Variants in ARHGAP21 observed in about 807,000 individuals in gnomAD.
The protein encoded by ARHGAP21 is Rho GTPase activating protein 21.
ARHGAP21 carries 38 observed loss-of-function variants against 164.6 expected under a neutral mutation model. The observed-to-expected ratio is 0.23, with a 90% CI of 0.18 to 0.30. The LOEUF is 0.30. Ranked by LOEUF, ARHGAP21 falls within the 10% of genes least tolerant of loss-of-function variation. The probability of loss-of-function intolerance (pLI) is 1.00; values close to 1 mark genes in which losing one functional copy is unlikely to be tolerated. For synonymous variants in ARHGAP21, 766 were observed against 857.9 expected, an observed-to-expected ratio of 0.89 and a Z score of 1.87; for missense variants, 1,822 against 2,370.7, an observed-to-expected ratio of 0.77 and a Z score of 4.81.
chr10:24,697,086 T>C (rs1200951318), intron 2 of ARHGAP21, among the ~76,000 whole-genome samples: 8 of 152,036 alleles, frequency 5.3e-5, no homozygotes. Flanking sequence ...CGACCCAGAA[T>C]CTCTAGAGAT....
In ARHGAP21 at chr10:24,585,293, G is replaced by A. The variant is rs375897262; in HGVS notation, c.4996C>T (p.Arg1666Trp). Residue 1666 changes from arginine (R) to tryptophan (W), a missense_variant, in exon 26 of 26, where the codon CGG (arginine) becomes TGG (tryptophan). By Grantham distance (101) the Arg-to-Trp change is moderately radical (BLOSUM62 -3). Coordinates refer to ENST00000396432, the MANE Select transcript of ARHGAP21 (RefSeq NM_020824.4). ...AATTCACTTCCTTCAGAATTTCTCC[G>A]GCTGCTCTTAGTCACTTCTTGCAGT... ...GKLQEVTKSS[R>W]RNSEGSELSC... is the part of the protein sequence containing the mutation. 2.7e-5 allele frequency: 43 copies of A among 1,609,536 alleles called. 1 individual carries two copies. Among genetic ancestry groups the A allele is most frequent in the African/African-American group, 9.4e-5 (7 of 74,842 alleles).
At position 24,619,881 on chromosome 10, in the gene ARHGAP21, C is replaced by A. The variant is rs138782639; in HGVS notation, c.2014G>T (p.Ala672Ser). 30 of 1,614,058 alleles carry A rather than the reference C, an allele frequency of 1.9e-5. No individual in the cohort carries two copies. Among genetic ancestry groups the A allele is most frequent in the Middle Eastern group, 3.3e-4 (2 of 6,084 alleles). ...CCAGTCTCCACTTGCTGATCGGGGG[C>A]ACTGTCAGTCCTTACCCATGTCTGC... The part of the protein sequence containing the change: ...NQQTWVRTDS[A>S]PDQQVETGKS... Residue 672 changes from alanine (A) to serine (S), a missense_variant, in exon 9 of 26, where the codon GCC becomes TCC. Ala to Ser is a moderately conservative substitution (Grantham distance 99, BLOSUM62 1). Transcript: ENST00000396432.
chr10:24,694,340 G>A (rs554516080), intron 2 of ARHGAP21, among the ~76,000 whole-genome samples: 8 of 152,336 alleles, frequency 5.3e-5, no homozygotes, highest in Admixed American at 1.3e-4. Context: ...GCGGCCCTCC[G>A]TTGGTGTTTG....
chr10:24,596,104 C>T, intron 17 of ARHGAP21, 61 bp from the exon 18 acceptor site: 1 of 1,393,920 alleles, frequency 7.2e-7, no homozygotes, highest in Non-Finnish European at 9.6e-7. Flanking sequence ...AGTTGTATAT[C>T]ACAGCTAAAA....
chr10:24,640,563 A>G (rs1407945167), intron 4 of ARHGAP21, among the ~76,000 whole-genome samples: 2 of 152,100 alleles, frequency 1.3e-5, no homozygotes, highest in East Asian at 3.8e-4. Flanking sequence ...CAAGAAGTAT[A>G]CCCTCCAGAA....
At chr10:24,648,877 T>A in intron 4 of ARHGAP21, 1 of 985,194 alleles carries the variant, frequency 1.0e-6, no homozygotes, top group Non-Finnish European at 1.2e-6. Context: ...TTTAATCATG[T>A]CCTAGTCAGT....
chr10:24,630,360 A>G (rs1275319177), intron 6 of ARHGAP21, among the ~76,000 whole-genome samples: 3 of 152,238 alleles, frequency 2.0e-5, no homozygotes, highest in East Asian at 1.9e-4. Flanking sequence ...TAGTCCCAGG[A>G]CAAACTCTTA....
chr10:24,591,583 C>T, intron 23 of ARHGAP21, 59 bp downstream of exon 23: 1 of 1,589,522 alleles, frequency 6.3e-7, no homozygotes, highest in Middle Eastern at 1.7e-4. Context: ...TGTTGGCGCG[C>T]CAGGATCTTG....
intron 8 of ARHGAP21, 64 bp downstream of exon 8, chr10:24,622,669 T>G: frequency 6.6e-7 from 1 of 1,521,130 alleles, no homozygotes; most frequent in Non-Finnish European, 9.0e-7. Flanking sequence ...ATAGATTGGC[T>G]TATTACAAAT....
chr10:24,667,921 A>G (rs528209003), intron 3 of ARHGAP21, among the ~76,000 whole-genome samples: 1 of 152,350 alleles, frequency 6.6e-6, no homozygotes, highest in South Asian at 2.1e-4. Context: ...TCATAATTAA[A>G]ATGGAAAAGA....
chr10:24,593,107 CA>C (rs1564962290), intron 21 of ARHGAP21, among the ~76,000 whole-genome samples: 1 of 152,096 alleles, frequency 6.6e-6, no homozygotes, highest in Middle Eastern at 3.4e-3. Flanking sequence ...CTGCCAAACT[CA>C]AAAAGCCAAA....
At chr10:24,597,338 A>C (rs1203405176) in intron 16 of ARHGAP21, 109 bp downstream of exon 16, 3 of 1,370,750 alleles carry the variant, frequency 2.2e-6, no homozygotes, top group Admixed American at 2.5e-5. Flanking sequence ...ATTTTGAGCT[A>C]GTTGACATGG....
chr10:24,671,956 C>T (rs1840749702), intron 2 of ARHGAP21, among the ~76,000 whole-genome samples: 1 of 136,552 alleles, frequency 7.3e-6, no homozygotes, highest in Non-Finnish European at 1.5e-5. Context: ...TCTTGAGCTC[C>T]TATGCTCAAG....
Position 24,592,023 on chromosome 10 carries a change from G to A in ARHGAP21, c.3877-11C>T. ...GTTTCTTGGTTCCATCTGAAAGAAA[G>A]GATGATACTGGGAAATACCAGAATT... On this transcript the variant is annotated splice_polypyrimidine_tract_variant and intron_variant, in intron 21 of 25. Transcript: ENST00000396432. The A allele has an allele frequency of 2.5e-6, 4 of 1,573,296 alleles. No individual in the cohort carries two copies. Among genetic ancestry groups the A allele is most frequent in the Non-Finnish European group, 3.4e-6 (4 of 1,160,526 alleles).
intron 2 of ARHGAP21, among the ~76,000 whole-genome samples, chr10:24,690,785 G>A (rs545234371): frequency 1.5e-4 from 23 of 150,284 alleles, no homozygotes; most frequent in South Asian, 1.0e-3. Context: ...CCGAGATCGC[G>A]CCACTGCACT....
chr10:24,604,451 G>A, intron 11 of ARHGAP21, 103 bp from the exon 12 acceptor site: 1 of 724,432 alleles, frequency 1.4e-6, no homozygotes, highest in Non-Finnish European at 2.2e-6. Context: ...ATAATAATCT[G>A]ACATTTCATC....
intron 3 of ARHGAP21, 115 bp from the exon 4 acceptor site, chr10:24,667,124 C>A (rs1291849449): frequency 3.8e-6 from 2 of 528,720 alleles, no homozygotes; most frequent in Non-Finnish European, 6.4e-6. Context: ...CAATTACAAT[C>A]TCACTAACAA....
At chr10:24,658,103 T>C (rs1233937654) in intron 4 of ARHGAP21, among the ~76,000 whole-genome samples, 1 of 144,770 alleles carries the variant, frequency 6.9e-6, no homozygotes, top group South Asian at 2.3e-4. Flanking sequence ...TCAAGAGAAA[T>C]GCAAATTAAA....
intron 2 of ARHGAP21, among the ~76,000 whole-genome samples, chr10:24,685,383 AAGCC>A (rs1223033080): frequency 6.6e-6 from 1 of 152,192 alleles, no homozygotes; most frequent in African/African-American, 2.4e-5. Flanking sequence ...CCTACTCTCA[AAGCC>A]TAACTAGCTC....
Sources: gnomAD v4.1 joint callset for allele counts (sites outside exome capture counted in the v4.1 genomes callset) on GRCh38, gnomAD v4.1.1 for gene constraint, MANE v1.5 for transcripts, NCBI Gene and HGNC (gene_info 2026-07-23, HGNC 2026-07-21) for gene names.